FOXP2: variants seen among roughly 807,000 people sequenced by gnomAD.
FOXP2 encodes forkhead box protein P2.
A neutral mutation model predicts 115.8 loss-of-function variants in FOXP2; 12 were observed. The observed-to-expected ratio is 0.10, with a 90% CI of 0.07 to 0.17. The LOEUF (loss-of-function observed/expected upper bound fraction) is 0.17. FOXP2 is among the 10% of genes least tolerant of loss of function. The probability of loss-of-function intolerance (pLI) is 1.00; values close to 1 mark genes in which losing one functional copy is unlikely to be tolerated. For missense variants in FOXP2, 629 were observed against 843.5 expected (o/e 0.75, Z 3.15); for synonymous variants, 328 against 297.7 (o/e 1.10, Z -1.05).
At chr7:114,354,912 T>C (rs147850632) in intron 2 of FOXP2, among the ~76,000 whole-genome samples, 59 of 152,328 alleles carry the variant, frequency 3.9e-4, no homozygotes, top group African/African-American at 1.4e-3. Context: ...TTATTGACAA[T>C]TATTTTCATA....
At chr7:114,597,371 T>C (rs1221789341) in intron 3 of FOXP2, among the ~76,000 whole-genome samples, 1 of 152,106 alleles carries the variant, frequency 6.6e-6, no homozygotes, top group African/African-American at 2.4e-5. Flanking sequence ...AAAATCTCTT[T>C]AAAAGCAAAG....
chr7:114,338,743 G>A (rs1311430065), intron 2 of FOXP2, among the ~76,000 whole-genome samples: 1 of 97,158 alleles, frequency 1.0e-5, no homozygotes, highest in Non-Finnish European at 2.1e-5. Flanking sequence ...TTCTTGTCAA[G>A]ATGTTCACAC....
At chr7:114,614,797 T>C (rs1803839737) in intron 3 of FOXP2, among the ~76,000 whole-genome samples, 1 of 152,230 alleles carries the variant, frequency 6.6e-6, no homozygotes, top group African/African-American at 2.4e-5. Context: ...TCTGTCCATC[T>C]GATGCTTTGA....
At chr7:114,094,763 G>A (rs1799609335) in intron 1 of FOXP2, among the ~76,000 whole-genome samples, 1 of 152,114 alleles carries the variant, frequency 6.6e-6, no homozygotes, top group Admixed American at 6.6e-5. Context: ...CTGGGCTCAA[G>A]TGATCCTCTC....
intron 2 of FOXP2, among the ~76,000 whole-genome samples, chr7:114,463,847 T>G (rs1342292435): frequency 6.6e-6 from 1 of 152,152 alleles, no homozygotes. Flanking sequence ...AGTGTCCTCA[T>G]ATTCAGAGTA....
chr7:114,573,911 C>A (rs1801442708), intron 3 of FOXP2, among the ~76,000 whole-genome samples: 1 of 151,640 alleles, frequency 6.6e-6, no homozygotes, highest in African/African-American at 2.4e-5. Flanking sequence ...CTTCATTATA[C>A]CATCCTTTTT....
chr7:114,303,143 T>G (rs1031812098), intron 2 of FOXP2, among the ~76,000 whole-genome samples: 11 of 152,178 alleles, frequency 7.2e-5, no homozygotes, highest in African/African-American at 2.7e-4. Context: ...AATAGGTAGC[T>G]AATACAATTT....
At chr7:114,489,440 T>A (rs1796933257) in intron 2 of FOXP2, among the ~76,000 whole-genome samples, 1 of 152,104 alleles carries the variant, frequency 6.6e-6, no homozygotes. Flanking sequence ...TGAAATTGGT[T>A]CTATTTACTT....
At chr7:114,214,710 T>C (rs1208609830) in intron 1 of FOXP2, among the ~76,000 whole-genome samples, 1 of 152,160 alleles carries the variant, frequency 6.6e-6, no homozygotes, top group African/African-American at 2.4e-5. Context: ...CCCTTACTCC[T>C]GCTGACAAAA....
intron 2 of FOXP2, among the ~76,000 whole-genome samples, chr7:114,377,084 T>A (rs149699783): frequency 1.4e-4 from 22 of 152,182 alleles, no homozygotes; most frequent in Non-Finnish European, 1.8e-4. Context: ...TTAAATAATA[T>A]TATTATTAAT....
At chr7:114,621,957 A>C (rs1209254248) in intron 3 of FOXP2, among the ~76,000 whole-genome samples, 1 of 152,098 alleles carries the variant, frequency 6.6e-6, no homozygotes, top group Non-Finnish European at 1.5e-5. Flanking sequence ...TAAATACTTC[A>C]AACAGGCTAA....
intron 3 of FOXP2, among the ~76,000 whole-genome samples, chr7:114,613,111 T>A (rs1240881025): frequency 6.6e-6 from 1 of 152,254 alleles, no homozygotes; most frequent in African/African-American, 2.4e-5. Context: ...TTGGAAAATA[T>A]TTCTTTTTAA....
At chr7:114,390,394 A>G (rs1792563425) in intron 2 of FOXP2, among the ~76,000 whole-genome samples, 1 of 152,098 alleles carries the variant, frequency 6.6e-6, no homozygotes, top group African/African-American at 2.4e-5. Flanking sequence ...ACTTGAGTTG[A>G]GAGTATTAAT....
At chr7:114,502,173 G>A (rs1400337731) in intron 2 of FOXP2, among the ~76,000 whole-genome samples, 1 of 151,820 alleles carries the variant, frequency 6.6e-6, no homozygotes, top group African/African-American at 2.4e-5. Context: ...AAATTTTTTT[G>A]GTCATTCAGC....
At chr7:114,589,776 G>GT (rs1293781527) in intron 3 of FOXP2, among the ~76,000 whole-genome samples, 5 of 152,058 alleles carry the variant, frequency 3.3e-5, no homozygotes, top group South Asian at 2.1e-4. Flanking sequence ...TGCCCTTTAT[G>GT]TTCCCTGGGA....
intron 1 of FOXP2, among the ~76,000 whole-genome samples, chr7:114,423,075 A>G (rs1793687488): frequency 6.6e-6 from 1 of 151,764 alleles, no homozygotes; most frequent in East Asian, 1.9e-4. Context: ...GCTGCAAGAA[A>G]TGGCATGAAT....
Position 114,691,564 on chromosome 7 carries a change from G to A in FOXP2, c.*1638G>A, listed in dbSNP as rs1031655065. ...CAAAACTATGATAATGAGTTATGAT[G>A]TAGTTGAAAATAGCATAGTCAGATG... On this transcript the variant is annotated 3_prime_UTR_variant, in exon 17 of 17. Transcript: ENST00000350908. 7 of 453,864 alleles carry A rather than the reference G, an allele frequency of 1.5e-5. No homozygotes were observed. Among genetic ancestry groups the A allele is most frequent in the Non-Finnish European group, 3.1e-5 (7 of 226,756 alleles). 28.1% of individuals were successfully genotyped at this position (453,864 alleles called of 1,614,324 possible).
chr7:114,547,467 T>C (rs1041392449), intron 3 of FOXP2, among the ~76,000 whole-genome samples: 1 of 152,100 alleles, frequency 6.6e-6, no homozygotes, highest in Non-Finnish European at 1.5e-5. Flanking sequence ...ATTAGAAATA[T>C]ATGTGATTGG....
chr7:114,451,046 A>C lies in FOXP2; in HGVS notation c.168+24367A>C, dbSNP rs181560485. On this transcript the variant is annotated intron_variant, in intron 2 of 16. Coordinates refer to ENST00000350908, the MANE Select transcript of FOXP2 (RefSeq NM_014491.4). ...ATGCTTTGAAATAATATCTGATAAA[A>C]GGTTTCAGGATTTGTTTTATAATCA... is the stretch of plus-strand genomic sequence containing the variant. 4.1e-3 allele frequency among the ~76,000 whole-genome samples: 623 copies of C among 152,206 alleles called. 3 individuals carry two copies. The highest frequency in any genetic ancestry group is 0.012 in the African/African-American group (491 of 41,546).
Sources: allele counts gnomAD v4.1 joint callset (sites outside exome capture counted in the v4.1 genomes callset), GRCh38; gene constraint gnomAD v4.1.1; transcripts MANE v1.5; gene names NCBI Gene and HGNC (gene_info 2026-07-23, HGNC 2026-07-21).